Variants in ARHGAP17 observed in about 807,000 individuals in gnomAD.
ARHGAP17 encodes Rho GTPase activating protein 17.
In ARHGAP17, 57 loss-of-function variants were observed where a neutral mutation model predicts 99.5. The observed-to-expected ratio is 0.57, with a 90% confidence interval of 0.46 to 0.71. ARHGAP17 has a LOEUF of 0.71. ARHGAP17 is among the 30% of genes least tolerant of loss of function. The probability of loss-of-function intolerance (pLI) is 0.00; values close to 1 mark genes in which losing one functional copy is unlikely to be tolerated. For missense variants in ARHGAP17, 1,000 were observed against 1,122.4 expected (o/e 0.89, Z 1.56); for synonymous variants, 417 against 429.6 (o/e 0.97, Z 0.36).
intron 1 of ARHGAP17, among the ~76,000 whole-genome samples, chr16:24,981,462 A>C (rs1214369121): frequency 6.6e-6 from 1 of 152,234 alleles, no homozygotes; most frequent in Non-Finnish European, 1.5e-5. Flanking sequence ...GCAGAAGCAG[A>C]GGGAAAGGGC....
intron 1 of ARHGAP17, among the ~76,000 whole-genome samples, chr16:25,010,354 G>A (rs1006396129): frequency 3.3e-5 from 5 of 152,230 alleles, no homozygotes; most frequent in Admixed American, 1.3e-4. Flanking sequence ...GATTACAGGC[G>A]TGAGCCACCC....
rs112890497 is a variant in ARHGAP17, at chr16:24,962,345, G to A, written c.573+1852C>T. ...CATGCATAAAGATAAGATTCCTGAA[G>A]AACTGTACTCTCAACGAAACAACAG... On this transcript the variant is annotated intron_variant, in intron 7 of 19. Transcript: ENST00000289968. Among the ~76,000 whole-genome samples the A allele has an allele frequency of 6.1e-4, 93 of 152,230 alleles. 1 individual carries two copies. Among genetic ancestry groups the A allele is most frequent in the African/African-American group, 2.1e-3 (87 of 41,552 alleles).
chr16:24,941,932 C>T lies in ARHGAP17; in HGVS notation c.1490+55G>A. On this transcript the variant is annotated intron_variant, in intron 16 of 19. Transcript: ENST00000289968. ...AAGTCCACTGAGCGATACCAGATAC[C>T]ACGGGTCTAACAACATATTTACTGC... is the stretch of plus-strand genomic sequence containing the variant. 2.5e-6 allele frequency: 4 copies of T among 1,611,392 alleles called. No individual in the cohort carries two copies. In the South Asian group the frequency reaches 3.3e-5, roughly 13 times the overall value.
At chr16:24,981,595 A>G (rs1007027368) in intron 1 of ARHGAP17, among the ~76,000 whole-genome samples, 1 of 152,222 alleles carries the variant, frequency 6.6e-6, no homozygotes, top group African/African-American at 2.4e-5. Flanking sequence ...TAAACTGTTA[A>G]TATTTCAAAG....
intron 12 of ARHGAP17, among the ~76,000 whole-genome samples, chr16:24,951,698 A>G (rs994444030): frequency 3.3e-5 from 5 of 152,198 alleles, no homozygotes; most frequent in African/African-American, 7.2e-5. Context: ...AATTTTCTTA[A>G]TAGTACTTTT....
chr16:24,921,212 C>A (rs548636224), intron 19 of ARHGAP17, among the ~76,000 whole-genome samples: 1 of 152,304 alleles, frequency 6.6e-6, no homozygotes, highest in East Asian at 1.9e-4. Flanking sequence ...AGTGGGCAGA[C>A]CAAGGGGATC....
rs142905793 is a variant in ARHGAP17 at position 24,986,562 on chromosome 16, G to A, written c.54-7557C>T. 8.5e-3 allele frequency among the ~76,000 whole-genome samples: 1,287 copies of A among 152,306 alleles called. 6 individuals are homozygous for A. The highest frequency in any genetic ancestry group is 0.017 in the South Asian group (84 of 4,830). ...TCAGTGTATTACAGAAGTTTCACTG[G>A]AACACAGCCAGGCTCATGCATTTGT... On this transcript the variant is annotated intron_variant, in intron 1 of 19. Coordinates refer to ENST00000289968, the MANE Select transcript of ARHGAP17 (RefSeq NM_001006634.3).
intron 1 of ARHGAP17, among the ~76,000 whole-genome samples, chr16:24,999,065 C>T (rs904152619): frequency 3.4e-4 from 52 of 152,232 alleles, no homozygotes; most frequent in African/African-American, 1.3e-3. Flanking sequence ...CATCCACACT[C>T]CCGGGACAGC....
At chr16:24,958,789 A>G (rs1475756384) in intron 9 of ARHGAP17, among the ~76,000 whole-genome samples, 2 of 152,146 alleles carry the variant, frequency 1.3e-5, no homozygotes, top group Admixed American at 6.5e-5. Flanking sequence ...TCGGTCTCAA[A>G]ATCACAAAGT....
chr16:24,986,905 A>T (rs2052887750), intron 1 of ARHGAP17, among the ~76,000 whole-genome samples: 1 of 152,218 alleles, frequency 6.6e-6, no homozygotes, highest in East Asian at 1.9e-4. Flanking sequence ...CCAAATGCGG[A>T]GGCACAGCCC....
At chr16:24,988,157 GT>G (rs2141412285) in intron 1 of ARHGAP17, among the ~76,000 whole-genome samples, 1 of 147,364 alleles carries the variant, frequency 6.8e-6, no homozygotes, top group African/African-American at 2.5e-5. Context: ...AGTTTTTACT[GT>G]TTTATCTCAT....
At chr16:24,925,402 CAGA>C (rs2050814403) in intron 19 of ARHGAP17, among the ~76,000 whole-genome samples, 1 of 152,030 alleles carries the variant, frequency 6.6e-6, no homozygotes, top group Admixed American at 6.6e-5. Context: ...AATAAATAAA[CAGA>C]AGAATGACAG....
chr16:24,970,597 AG>A lies in ARHGAP17; in HGVS notation c.199-18del. 1 of 1,606,784 alleles carries A rather than the reference AG, an allele frequency of 6.2e-7. No homozygotes were observed. Among genetic ancestry groups the A allele is most frequent in the Non-Finnish European group, 8.5e-7 (1 of 1,173,388 alleles). ...CAGTTTTTTCTGGAAGATAGAAGAC[AG>A]TGTGTGTTTTTCTCATTATTTGATA... On this transcript the variant is annotated intron_variant, in intron 3 of 19. Transcript: ENST00000289968.
rs1411491335 is a variant in ARHGAP17 at position 24,942,075 on chromosome 16, T to C, written c.1402A>G (p.Thr468Ala). The C allele has an allele frequency of 3.1e-6, 5 of 1,595,566 alleles. No individual in the cohort carries two copies. Among genetic ancestry groups the C allele is most frequent in the Non-Finnish European group, 4.3e-6 (5 of 1,167,926 alleles). The change falls in exon 16 of 20, where the codon ACT becomes GCT. Residue 468 changes from threonine to alanine, a missense_variant. Physicochemically the swap from Thr to Ala is moderately conservative, Grantham distance 58. This residue lies in a region of ARHGAP17 where 472 missense variants were observed against 611.1 expected (regional missense o/e 0.77). Coordinates refer to ENST00000289968, the MANE Select transcript of ARHGAP17 (RefSeq NM_001006634.3). The part of the protein sequence containing the change: ...TTPSSNHSFH[T>A]GNDSDSGTLE... ...GTCCCCGAGTCAGAGTCGTTTCCAG[T>C]GTGGAATGAGTGATTAGAACTCGGG...
Position 25,010,484 on chromosome 16 carries a change from T to C in ARHGAP17, c.53+4725A>G, listed in dbSNP as rs183582029. Among the ~76,000 whole-genome samples, 648 of 152,330 alleles carry C rather than the reference T, an allele frequency of 4.3e-3. 2 individuals are homozygous for C. Among genetic ancestry groups the C allele is most frequent in the South Asian group, 0.015 (72 of 4,830 alleles). ...AAACTAAACCACCATAGAAATGTTA[T>C]AGACTGTTACTATCAGACCTTTTCA... On this transcript the variant is annotated intron_variant, in intron 1 of 19. Transcript: ENST00000289968.
chr16:24,921,160 C>A (rs2050710014), intron 19 of ARHGAP17, among the ~76,000 whole-genome samples: 1 of 152,202 alleles, frequency 6.6e-6, no homozygotes, highest in Admixed American at 6.5e-5. Context: ...GAGGACGCAG[C>A]ACTGAACAAG....
Position 24,941,992 on chromosome 16 carries a change from C to G in ARHGAP17, c.1485G>C (p.Lys495Asn). The part of the protein sequence containing the change: ...MAVMEGDLVK[K>N]ESFGVKLMDF... The stretch of plus-strand genomic sequence containing the variant: ...AGTGAACGGTCAAATCATACCTTTC[C>G]TTCTTCACCAAGTCTCCTTCCATCA... The change falls in exon 16 of 20, where the codon AAG (lysine) becomes AAC (asparagine). Residue 495 changes from lysine (K) to asparagine (N), a missense_variant. This residue lies in a region of ARHGAP17 where 472 missense variants were observed against 611.1 expected (regional missense o/e 0.77). Coordinates refer to ENST00000289968, the MANE Select transcript of ARHGAP17 (RefSeq NM_001006634.3). 6.2e-7 allele frequency: 1 copy of G among 1,613,952 alleles called. No homozygotes were observed. Among genetic ancestry groups the G allele is most frequent in the South Asian group, 1.1e-5 (1 of 91,068 alleles).
rs1167987097 is a variant in ARHGAP17 at position 24,931,341 on chromosome 16, C to T, written c.1958G>A (p.Gly653Asp). ...PGNPPPGHPG[G>D]QSSSGTSQHP... ...CTGAGATGTTCCTGAAGAACTCTGGCCCCCGGGGTGGCCAGGAGGTGGGTT... is the reference window on the plus strand; with the variant it reads ...CTGAGATGTTCCTGAAGAACTCTGGTCCCCGGGGTGGCCAGGAGGTGGGTT... Residue 653 changes from glycine (G) to aspartate (D), a missense_variant, in exon 19 of 20, where the codon GGC becomes GAC. Coordinates refer to ENST00000289968, the MANE Select transcript of ARHGAP17 (RefSeq NM_001006634.3). 6.0e-6 allele frequency: 9 copies of T among 1,502,668 alleles called. No individual in the cohort carries two copies. Among genetic ancestry groups the T allele is most frequent in the African/African-American group, 1.4e-5 (1 of 70,862 alleles). 93.1% of individuals were successfully genotyped at this position (1,502,668 alleles called of 1,614,324 possible). A position where few individuals can be genotyped will look rare whatever the true frequency, so the allele number is the denominator to read the frequency against.
At chr16:24,925,099 C>T (rs2050806829) in intron 19 of ARHGAP17, among the ~76,000 whole-genome samples, 1 of 152,028 alleles carries the variant, frequency 6.6e-6, no homozygotes, top group African/African-American at 2.4e-5. Context: ...AATGATGGGG[C>T]CAGGTGCGGT....
Sources: allele counts gnomAD v4.1 joint callset (sites outside exome capture counted in the v4.1 genomes callset), GRCh38; gene constraint gnomAD v4.1.1; regional missense constraint gnomAD v4.1.1; transcripts MANE v1.5; gene names NCBI Gene and HGNC (gene_info 2026-07-23, HGNC 2026-07-21).